Variants in ADCY10 observed in about 807,000 individuals in gnomAD.
ADCY10 encodes adenylate cyclase 10, also known as adenylate cyclase type 10.
In ADCY10, 156 loss-of-function variants were observed where a neutral mutation model predicts 183.3. That is an observed-to-expected ratio of 0.85 (90% CI 0.75 to 0.97). The LOEUF is 0.97. Ranked by LOEUF, ADCY10 falls within the 50% of genes least tolerant of loss-of-function variation. The pLI is 0.00. For synonymous variants in ADCY10, 645 were observed against 670.0 expected (o/e 0.96, Z 0.58); for missense variants, 1,745 against 1,934.3 (o/e 0.90, Z 1.84).
In ADCY10 at chr1:167,809,527, C is replaced by T. The variant is rs527356749; in HGVS notation, c.*151G>A. On this transcript the variant is annotated 3_prime_UTR_variant, in exon 33 of 33. Coordinates refer to ENST00000367851, the MANE Select transcript of ADCY10 (RefSeq NM_018417.6). ...ATGACACTCCTGACCCTTGTAGGCC[C>T]TCCAGAAAGAGAAGAAATCAACATG... 17 of 888,648 alleles carry T rather than the reference C, an allele frequency of 1.9e-5. No homozygotes were observed. The South Asian group carries it at 2.5e-4, about 13-fold the overall frequency. 55.0% of individuals were successfully genotyped at this position (888,648 alleles called of 1,614,324 possible). A position where few individuals can be genotyped will look rare whatever the true frequency, so the allele number is the denominator to read the frequency against.
intron 7 of ADCY10, among the ~76,000 whole-genome samples, chr1:167,895,779 A>G (rs890249940): frequency 6.6e-6 from 1 of 152,208 alleles, no homozygotes; most frequent in African/African-American, 2.4e-5. Flanking sequence ...CAGTCTTCTC[A>G]CTTGCCTCAT....
chr1:167,856,462 A>G (rs767276453), intron 16 of ADCY10, 23 bp from the exon 17 acceptor site: 2 of 1,613,868 alleles, frequency 1.2e-6, no homozygotes, highest in Non-Finnish European at 1.7e-6. Context: ...CAGAAAGAGA[A>G]AGAGAAACAC....
chr1:167,842,729 T>A (rs554107000), intron 21 of ADCY10, among the ~76,000 whole-genome samples: 8 of 152,182 alleles, frequency 5.3e-5, no homozygotes, highest in Non-Finnish European at 1.0e-4. Context: ...GCTTATCTAA[T>A]GCCAGTTATA....
intron 24 of ADCY10, 141 bp downstream of exon 24, chr1:167,833,829 G>GA: frequency 2.9e-6 from 2 of 691,934 alleles, no homozygotes; most frequent in Non-Finnish European, 5.1e-6. Flanking sequence ...GGAGCCCAGG[G>GA]ATTTGAGTTT....
chr1:167,809,933 G>A (rs1662099549), intron 32 of ADCY10, 94 bp from the exon 33 acceptor site: 6 of 1,332,646 alleles, frequency 4.5e-6, no homozygotes, highest in Non-Finnish European at 6.4e-6. Flanking sequence ...AAACATCTTT[G>A]GTAAAAACCA....
At position 167,899,727 on chromosome 1, in the gene ADCY10, T is replaced by C. The variant is rs1396240924; in HGVS notation, c.437-99A>G. ...AACCATAATCTTGGTGGGACTATAC[T>C]ATCTCAGAGCAAAATCTCACTTCTA... On this transcript the variant is annotated intron_variant, in intron 5 of 32. Coordinates refer to ENST00000367851, the MANE Select transcript of ADCY10 (RefSeq NM_018417.6). 14 of 1,101,104 alleles carry C rather than the reference T, an allele frequency of 1.3e-5. No homozygotes were observed. In the African/African-American group the frequency reaches 2.0e-4, roughly 16 times the overall value. The allele number at this position is 1,101,104 out of a possible 1,614,324, so 68.2% of individuals were successfully genotyped here. A position where few individuals can be genotyped will look rare whatever the true frequency, so the allele number is the denominator to read the frequency against.
chr1:167,859,810 C>T lies in ADCY10; in HGVS notation c.1893G>A (p.Lys631=), dbSNP rs774270479. The part of the protein sequence containing the change: ...QLEILFMKIL[K]LIVKEERIIF... ...CTTGACCCACAGATGCTCTTACCAG[C>T]TTCAAGATCTTCATAAACAATATTT... Residue 631 remains lysine (K), a synonymous_variant, in exon 16 of 33, where the codon AAG becomes AAA. Transcript: ENST00000367851. The T allele has an allele frequency of 6.8e-6, 11 of 1,612,072 alleles. No homozygotes were observed. In the South Asian group the frequency reaches 1.2e-4, roughly 18 times the overall value.
chr1:167,873,030 A>G (rs1299663813), intron 13 of ADCY10, among the ~76,000 whole-genome samples: 2 of 152,006 alleles, frequency 1.3e-5, no homozygotes, highest in African/African-American at 4.8e-5. Context: ...AGATCGCGCC[A>G]CTGCACTCCA....
At chr1:167,818,455 T>TAA in intron 30 of ADCY10, 188 bp from the exon 31 acceptor site, 1 of 714,364 alleles carries the variant, frequency 1.4e-6, no homozygotes, top group East Asian at 2.6e-5. Context: ...AAGGAAATAA[T>TAA]AAATTTTTTT....
intron 21 of ADCY10, among the ~76,000 whole-genome samples, chr1:167,841,138 C>T (rs1190173062): frequency 6.6e-6 from 1 of 151,984 alleles, no homozygotes; most frequent in Non-Finnish European, 1.5e-5. Context: ...AGGGAGAGTT[C>T]ATCATGCTTC....
At chr1:167,895,211 AGTATTAT>A (rs1487781713) in intron 7 of ADCY10, among the ~76,000 whole-genome samples, 1 of 151,572 alleles carries the variant, frequency 6.6e-6, no homozygotes, top group Non-Finnish European at 1.5e-5. Flanking sequence ...ATTGCATTGC[AGTATTAT>A]GGTGCTCAAA....
intron 21 of ADCY10, among the ~76,000 whole-genome samples, chr1:167,838,909 G>A (rs774989733): frequency 4.6e-5 from 7 of 152,142 alleles, no homozygotes; most frequent in African/African-American, 9.7e-5. Context: ...AAAAACCTGC[G>A]CAAGATCCTT....
rs370774432 is a variant in ADCY10 at position 167,850,889 on chromosome 1, C to T, written c.2309-2400G>A. Among the ~76,000 whole-genome samples, 187 of 152,144 alleles carry T rather than the reference C, an allele frequency of 1.2e-3. 1 individual carries two copies. Among genetic ancestry groups the T allele is most frequent in the African/African-American group, 4.4e-3 (181 of 41,482 alleles). ...GGGGATTCAGGAGAGCACAAAACTC[C>T]ATGCCTCATGAAGCTCACATTCTAG... On this transcript the variant is annotated intron_variant, in intron 18 of 32. Transcript: ENST00000367851.
chr1:167,829,130 G>A, intron 26 of ADCY10, 137 bp downstream of exon 26: 1 of 957,218 alleles, frequency 1.0e-6, no homozygotes, highest in South Asian at 1.4e-5. Context: ...AGAACTGCTG[G>A]CCTTGTCAAA....
At position 167,833,000 on chromosome 1, in the gene ADCY10, T is replaced by C. The variant is rs1158512150; in HGVS notation, c.3580A>G (p.Ser1194Gly). The C allele has an allele frequency of 1.2e-6, 2 of 1,613,820 alleles. No homozygotes were observed. Among genetic ancestry groups the C allele is most frequent in the Non-Finnish European group, 1.7e-6 (2 of 1,179,938 alleles). Residue 1194 changes from serine to glycine, a missense_variant, in exon 25 of 33, where the codon AGC (serine) becomes GGC (glycine). By Grantham distance (56) the Ser-to-Gly change is moderately conservative. Coordinates refer to ENST00000367851, the MANE Select transcript of ADCY10 (RefSeq NM_018417.6). ...TCCTTCCCTTACCCTGGAGGTGGGC[T>C]CTCTTGGGCCTGCCGATTCACATAA... Reference protein sequence around the residue: ...FHYVNRQAQESPPPGKKRLAQ... With the variant: ...FHYVNRQAQEGPPPGKKRLAQ...
Position 167,902,685 on chromosome 1 carries a change from G to A in ADCY10, c.254-631C>T, listed in dbSNP as rs142355500. Among the ~76,000 whole-genome samples, 341 of 152,312 alleles carry A rather than the reference G, an allele frequency of 2.2e-3. 1 individual carries two copies. The highest frequency in any genetic ancestry group is 8.0e-3 in the African/African-American group (332 of 41,574). On this transcript the variant is annotated intron_variant, in intron 3 of 32. Transcript: ENST00000367851. ...AATTTTGTCTAGTGGGTAACATCAA[G>A]ATATTACTAAGGAACTCAGAGTCTG... is the stretch of plus-strand genomic sequence containing the variant.
intron 8 of ADCY10, among the ~76,000 whole-genome samples, chr1:167,891,671 A>G (rs906260287): frequency 6.6e-6 from 1 of 150,626 alleles, no homozygotes; most frequent in Non-Finnish European, 1.5e-5. Context: ...AAAAAAAAAA[A>G]GAAAGAAAGG....
intron 4 of ADCY10, 87 bp downstream of exon 4, chr1:167,901,929 C>T: frequency 6.2e-7 from 1 of 1,606,252 alleles, no homozygotes; most frequent in Non-Finnish European, 8.5e-7. Context: ...ACTCCCTTCT[C>T]TAGGATGCCT....
chr1:167,868,053 G>C (rs74120519), intron 14 of ADCY10, among the ~76,000 whole-genome samples: 5,386 of 152,248 alleles, frequency 0.035, 296 homozygotes, highest in African/African-American at 0.12. Flanking sequence ...CTAGATCCTA[G>C]AGTAAATACC....
Sources: allele counts gnomAD v4.1 joint callset (sites outside exome capture counted in the v4.1 genomes callset), GRCh38; gene constraint gnomAD v4.1.1; transcripts MANE v1.5; gene names NCBI Gene and HGNC (gene_info 2026-07-23, HGNC 2026-07-21).